AK9: variants seen among roughly 807,000 people sequenced by gnomAD.
AK9 encodes adenylate kinase domain containing 1.
In AK9, 191 loss-of-function variants were observed where a neutral mutation model predicts 239.6. The observed-to-expected ratio is 0.80, with a 90% CI of 0.71 to 0.90. AK9 has a LOEUF of 0.90. Ranked by LOEUF, AK9 falls within the 40% of genes least tolerant of loss-of-function variation. The pLI is 0.00. For missense variants in AK9, 1,995 were observed against 2,214.7 expected, an observed-to-expected ratio of 0.90 and a Z score of 1.99; for synonymous variants, 689 against 721.0, an observed-to-expected ratio of 0.96 and a Z score of 0.71.
chr6:109,613,127 T>G (rs1391205118), intron 15 of AK9, among the ~76,000 whole-genome samples: 1 of 151,056 alleles, frequency 6.6e-6, no homozygotes, highest in East Asian at 1.9e-4. Flanking sequence ...AATGCCTGAT[T>G]GAGAGAAAGA....
intron 17 of AK9, among the ~76,000 whole-genome samples, chr6:109,595,928 C>A (rs1025284101): frequency 1.3e-5 from 2 of 152,010 alleles, no homozygotes; most frequent in Non-Finnish European, 2.9e-5. Flanking sequence ...TGCAGCAAAC[C>A]ACCATGGCAC....
chr6:109,516,008 T>C lies in AK9; in HGVS notation c.3914A>G (p.Gln1305Arg). Reference protein sequence around the residue: ...INGARRNHIVQYTLNMKLKPL... With the variant: ...INGARRNHIVRYTLNMKLKPL... Reference sequence around the variant, plus strand: ...TTTCAGTTTCATATTCAATGTATATTGTACAATGTGATTTCTCCGAGCTCC... The same window carrying C: ...TTTCAGTTTCATATTCAATGTATATCGTACAATGTGATTTCTCCGAGCTCC... Residue 1305 changes from glutamine to arginine, a missense_variant, in exon 31 of 41, where the codon CAA becomes CGA. By Grantham distance (43) the Gln-to-Arg change is conservative. Around this residue, in one of 5 missense-constraint regions of AK9, gnomAD observed 1,290 missense variants for 1,392.7 expected, o/e 0.93. Transcript: ENST00000424296. The C allele has an allele frequency of 6.4e-7, 1 of 1,551,390 alleles. No homozygotes were observed. Among genetic ancestry groups the C allele is most frequent in the Non-Finnish European group, 8.7e-7 (1 of 1,146,736 alleles).
chr6:109,526,709 C>G (rs756210295), intron 29 of AK9, among the ~76,000 whole-genome samples: 9 of 152,178 alleles, frequency 5.9e-5, no homozygotes, highest in Non-Finnish European at 1.3e-4. Context: ...CTTTATTATG[C>G]TGTGGTGTGA....
At chr6:109,531,106 T>C (rs1781184913) in intron 28 of AK9, among the ~76,000 whole-genome samples, 1 of 152,180 alleles carries the variant, frequency 6.6e-6, no homozygotes, top group African/African-American at 2.4e-5. Flanking sequence ...TACAATGTGG[T>C]GGCTGCTGCA....
At chr6:109,680,439 G>A (rs1260656334) in intron 1 of AK9, among the ~76,000 whole-genome samples, 1 of 152,166 alleles carries the variant, frequency 6.6e-6, no homozygotes, top group Non-Finnish European at 1.5e-5. Flanking sequence ...AAGCCTCCAA[G>A]AAATATGGGA....
chr6:109,554,245 T>C (rs1337981949), intron 24 of AK9, among the ~76,000 whole-genome samples: 1 of 152,198 alleles, frequency 6.6e-6, no homozygotes, highest in African/African-American at 2.4e-5. Flanking sequence ...CCTTTTCAGT[T>C]GTTTGCAATA....
intron 10 of AK9, among the ~76,000 whole-genome samples, chr6:109,640,777 C>T (rs751787331): frequency 2.0e-5 from 3 of 151,998 alleles, no homozygotes; most frequent in Non-Finnish European, 2.9e-5. Context: ...TCAAATTCTC[C>T]AGTTAAAACT....
intron 6 of AK9, among the ~76,000 whole-genome samples, chr6:109,661,438 A>G (rs948321118): frequency 2.1e-5 from 3 of 144,596 alleles, no homozygotes; most frequent in African/African-American, 7.4e-5. Context: ...CAAACTTAGT[A>G]AGCATTTGGG....
chr6:109,564,663 T>A, intron 22 of AK9, 93 bp downstream of exon 22: 1 of 889,530 alleles, frequency 1.1e-6, no homozygotes, highest in Non-Finnish European at 1.7e-6. Flanking sequence ...GAAATAAGTA[T>A]GACGCACCTA....
intron 24 of AK9, among the ~76,000 whole-genome samples, chr6:109,560,846 T>C (rs1304115976): frequency 6.6e-6 from 1 of 152,220 alleles, no homozygotes; most frequent in Non-Finnish European, 1.5e-5. Context: ...GAATTGGTTT[T>C]CTTTCTTTCT....
chr6:109,632,907 ATAGT>A lies in AK9; in HGVS notation c.1254+12_1254+15del, dbSNP rs775435592. 1.8e-4 allele frequency: 284 copies of A among 1,610,000 alleles called. 4 individuals carry two copies. The highest frequency in any genetic ancestry group is 1.6e-3 in the South Asian group (148 of 90,604). On this transcript the variant is annotated intron_variant, in intron 12 of 40. Transcript: ENST00000424296. ...GATAGATAGATAGATAGATAGACAG[ATAGT>A]TAGTTAGTCACCTTTCCTTTGTAAT...
intron 26 of AK9, among the ~76,000 whole-genome samples, 183 bp from the exon 27 acceptor site, chr6:109,542,354 G>A (rs1783008103): frequency 6.6e-6 from 1 of 152,148 alleles, no homozygotes; most frequent in South Asian, 2.1e-4. Context: ...GCAGGATAAT[G>A]GGTACAAACA....
rs544341345 is a variant in AK9, at chr6:109,639,256, AC to A, written c.933+2261del. 2.0e-5 allele frequency among the ~76,000 whole-genome samples: 3 copies of A among 152,318 alleles called. No individual in the cohort carries two copies. In the South Asian group the frequency reaches 6.2e-4, roughly 32 times the overall value. ...TCTTCCACAATGGTTGAACTAATCTACACTCCCACCAACGGTGTAAAAGTGT... is the reference window on the plus strand; with the variant it reads ...TCTTCCACAATGGTTGAACTAATCTAACTCCCACCAACGGTGTAAAAGTGT... On this transcript the variant is annotated intron_variant, in intron 10 of 40. Coordinates refer to ENST00000424296, the MANE Select transcript of AK9 (RefSeq NM_001145128.3).
In AK9 at chr6:109,662,486, C is replaced by T. The variant is rs911447884; in HGVS notation, c.444+65G>A. On this transcript the variant is annotated intron_variant, in intron 6 of 40. Transcript: ENST00000424296. ...ACTATTTAAAAATGTTTAAAGCATT[C>T]CTTGAATTTAACTACTATCAAAAAG... The T allele has an allele frequency of 7.2e-6, 9 of 1,258,208 alleles. No homozygotes were observed. The African/African-American group carries it at 1.2e-4, about 17-fold the overall frequency. The allele number at this position is 1,258,208 out of a possible 1,614,324, so 77.9% of individuals were successfully genotyped here. A position where few individuals can be genotyped will look rare whatever the true frequency, so the allele number is the denominator to read the frequency against.
chr6:109,528,172 A>T (rs1780755140), intron 29 of AK9: 1 of 280,020 alleles, frequency 3.6e-6, no homozygotes, highest in Middle Eastern at 1.3e-3. Context: ...CTGCTGAAAC[A>T]TTTGAAGTGA....
chr6:109,575,370 T>C (rs1280674592), intron 20 of AK9, among the ~76,000 whole-genome samples: 1 of 152,160 alleles, frequency 6.6e-6, no homozygotes, highest in African/African-American at 2.4e-5. Flanking sequence ...ATTATGGCCA[T>C]TCTTACAGGA....
At chr6:109,513,522 G>A (rs982258651) in intron 32 of AK9, among the ~76,000 whole-genome samples, 4 of 152,052 alleles carry the variant, frequency 2.6e-5, no homozygotes, top group Non-Finnish European at 4.4e-5. Context: ...TTATATTTTC[G>A]AATGCCTTCT....
intron 29 of AK9, among the ~76,000 whole-genome samples, chr6:109,516,855 G>C (rs1423465698): frequency 2.0e-5 from 3 of 152,032 alleles, no homozygotes; most frequent in Non-Finnish European, 4.4e-5. Flanking sequence ...TATTTTTCTG[G>C]TTCCTTCTCA....
chr6:109,609,334 T>A (rs551315958), intron 17 of AK9, among the ~76,000 whole-genome samples: 1 of 152,258 alleles, frequency 6.6e-6, no homozygotes, highest in Admixed American at 6.5e-5. Context: ...TTCCTACACC[T>A]CATACACATC....
Sources: allele counts gnomAD v4.1 joint callset (sites outside exome capture counted in the v4.1 genomes callset), GRCh38; gene constraint gnomAD v4.1.1; regional missense constraint gnomAD v4.1.1; transcripts MANE v1.5; gene names NCBI Gene and HGNC (gene_info 2026-07-23, HGNC 2026-07-21).